The following ABRACL variants were observed in gnomAD, a reference collection of about 807,000 sequenced individuals.
The protein encoded by ABRACL is ABRA C-terminal like.
Under a neutral mutation model 7.0 loss-of-function variants are expected in ABRACL, and 4 were observed. That is an observed-to-expected ratio of 0.57 (90% CI 0.28 to 1.30). The LOEUF (loss-of-function observed/expected upper bound fraction) is 1.30, where lower values mean the gene tolerates loss of function less well. Ranked by LOEUF, ABRACL falls within the 50% of genes most tolerant of loss-of-function variation. ABRACL has a pLI of 0.10. For missense variants in ABRACL, 104 were observed against 97.3 expected, an observed-to-expected ratio of 1.07 and a Z score of -0.29; for synonymous variants, 30 against 36.0, an observed-to-expected ratio of 0.83 and a Z score of 0.60.
chr6:139,031,152 T>C (rs1465092144), intron 1 of ABRACL, among the ~76,000 whole-genome samples: 1 of 152,190 alleles, frequency 6.6e-6, no homozygotes, highest in Non-Finnish European at 1.5e-5. Flanking sequence ...GAAAGTTCCT[T>C]AATTTCTTTG....
chr6:139,040,306 CTG>C (rs1271833048), intron 2 of ABRACL, among the ~76,000 whole-genome samples: 2 of 152,090 alleles, frequency 1.3e-5, no homozygotes, highest in Admixed American at 6.5e-5. Flanking sequence ...AAGGAATTAA[CTG>C]TGATTGGAGA....
chr6:139,035,840 G>A (rs1406271151), intron 2 of ABRACL, among the ~76,000 whole-genome samples: 2 of 148,666 alleles, frequency 1.3e-5, no homozygotes, highest in East Asian at 2.2e-4. Flanking sequence ...AGTGGCTCAC[G>A]CCTGTAATCC....
At chr6:139,040,500 T>G (rs1260288279) in intron 2 of ABRACL, among the ~76,000 whole-genome samples, 1 of 152,182 alleles carries the variant, frequency 6.6e-6, no homozygotes, top group Non-Finnish European at 1.5e-5. Context: ...AGAGGCTTTA[T>G]CTTTATTATG....
At chr6:139,041,445 C>CTATATA (rs1465820185) in intron 2 of ABRACL, among the ~76,000 whole-genome samples, 3 of 69,064 alleles carry the variant, frequency 4.3e-5, no homozygotes, top group Non-Finnish European at 6.4e-5. Flanking sequence ...CTCTCTCTCT[C>CTATATA]TCTCTCTATA....
chr6:139,034,121 G>A (rs777675387), intron 1 of ABRACL, 34 bp from the exon 2 acceptor site: 3 of 1,613,522 alleles, frequency 1.9e-6, no homozygotes, highest in Non-Finnish European at 2.5e-6. Flanking sequence ...GAATGTAATG[G>A]TGATAATTTA....
chr6:139,037,977 A>G (rs540515996), intron 2 of ABRACL, among the ~76,000 whole-genome samples: 12 of 151,876 alleles, frequency 7.9e-5, no homozygotes, highest in Non-Finnish European at 1.3e-4. Context: ...GTTTTTCGCC[A>G]TGTTGGCCAG....
chr6:139,028,916 A>G (rs998857079), intron 1 of ABRACL, 41 bp downstream of exon 1: 2 of 152,300 alleles, frequency 1.3e-5, no homozygotes, highest in Admixed American at 1.3e-4. Context: ...GGTAGCAGGG[A>G]TGGACTGGGT....
Position 139,034,240 on chromosome 6 carries a change from T to G in ABRACL, c.61+19T>G, listed in dbSNP as rs538288655. ...TCAAAAAGTAAGTATCTGACAGAGA[T>G]AGAGTATTTCTCCTGGCTTTACCTT... is the stretch of plus-strand genomic sequence containing the variant. On this transcript the variant is annotated intron_variant, in intron 2 of 2. Transcript: ENST00000367660. 1 of 1,614,206 alleles carries G rather than the reference T, an allele frequency of 6.2e-7. No homozygotes were observed. The highest frequency in any genetic ancestry group is 1.3e-5 in the African/African-American group (1 of 75,052).
At chr6:139,042,465 A>G (rs1786267122) in intron 2 of ABRACL, among the ~76,000 whole-genome samples, 1 of 152,256 alleles carries the variant, frequency 6.6e-6, no homozygotes, top group African/African-American at 2.4e-5. Flanking sequence ...GCACTGTAGC[A>G]CATTCAACTT....
In ABRACL at chr6:139,042,731, A is replaced by T. The variant is rs1786270924; in HGVS notation, c.74A>T (p.Lys25Met). The T allele has an allele frequency of 6.2e-7, 1 of 1,610,544 alleles. No individual in the cohort carries two copies. Among genetic ancestry groups the T allele is most frequent in the Non-Finnish European group, 8.5e-7 (1 of 1,178,370 alleles). ...TTTCTCAAACTAGATGCTGATGGAAAGTTAAGCGTGAAATTTGGGGTCCTC... is the reference window on the plus strand; with the variant it reads ...TTTCTCAAACTAGATGCTGATGGAATGTTAAGCGTGAAATTTGGGGTCCTC... ...HRLGSKNADGKLSVKFGVLFR... is the reference protein window; with the variant it reads ...HRLGSKNADGMLSVKFGVLFR... The change falls in exon 3 of 3, where the codon AAG (lysine) becomes ATG (methionine). Residue 25 changes from lysine to methionine, a missense_variant. Transcript: ENST00000367660.
In ABRACL at chr6:139,043,060, T is replaced by TCAATACACAAAATAGCAA; in HGVS notation, c.*157_*158insCAATACACAAAATAGCAA. On this transcript the variant is annotated 3_prime_UTR_variant, in exon 3 of 3. Transcript: ENST00000367660. ...TTAGAAGTCTGTCCTTTTTTATATC[T>TCAATACACAAAATAGCAA]TGAAAGAAAATCTATGTATGATGCT... The TCAATACACAAAATAGCAA allele has an allele frequency of 1.8e-6, 1 of 546,266 alleles. No individual in the cohort carries two copies. The highest frequency in any genetic ancestry group is 2.9e-6 in the Non-Finnish European group (1 of 339,372). 33.8% of individuals were successfully genotyped at this position (546,266 alleles called of 1,614,324 possible).
At chr6:139,031,764 A>G (rs1421249531) in intron 1 of ABRACL, among the ~76,000 whole-genome samples, 1 of 152,200 alleles carries the variant, frequency 6.6e-6, no homozygotes, top group Non-Finnish European at 1.5e-5. Context: ...CAGCTACGTC[A>G]TGCCTCAAAC....
intron 2 of ABRACL, 158 bp downstream of exon 2, chr6:139,034,379 G>T (rs764096408): frequency 6.4e-7 from 1 of 1,557,676 alleles, no homozygotes; most frequent in East Asian, 2.4e-5. Context: ...CCTTAGCCAG[G>T]AATTGACATC....
In ABRACL at chr6:139,035,006, T is replaced by C. The variant is rs1786132736; in HGVS notation, c.61+785T>C. Among the ~76,000 whole-genome samples, 7 of 152,200 alleles carry C rather than the reference T, an allele frequency of 4.6e-5. 1 individual carries two copies. Among genetic ancestry groups the C allele is most frequent in the Admixed American group, 4.6e-4 (7 of 15,284 alleles). On this transcript the variant is annotated intron_variant, in intron 2 of 2. Coordinates refer to ENST00000367660, the MANE Select transcript of ABRACL (RefSeq NM_021243.3). The stretch of plus-strand genomic sequence containing the variant: ...TCAGCAACAACTAGGATAATAGAAC[T>C]CGAAGTTTTAAAATTACATCATGTA...
chr6:139,039,461 A>G (rs1011147225), intron 2 of ABRACL, among the ~76,000 whole-genome samples: 2 of 152,196 alleles, frequency 1.3e-5, no homozygotes, highest in Non-Finnish European at 2.9e-5. Flanking sequence ...AATGATGGTG[A>G]GTGCTTTGAT....
At chr6:139,036,693 A>C (rs910346684) in intron 2 of ABRACL, among the ~76,000 whole-genome samples, 1 of 152,130 alleles carries the variant, frequency 6.6e-6, no homozygotes, top group Non-Finnish European at 1.5e-5. Context: ...AAACAGATAA[A>C]ATCTCATAGT....
intron 2 of ABRACL, among the ~76,000 whole-genome samples, chr6:139,036,913 C>T (rs1346557358): frequency 1.3e-5 from 2 of 151,978 alleles, no homozygotes; most frequent in African/African-American, 2.4e-5. Context: ...GAGCTCAGGA[C>T]GTCGAGGCTG....
At position 139,042,959 on chromosome 6, in the gene ABRACL, T is replaced by TGGGGTAAACTGGAATGTGA; in HGVS notation, c.*56_*57insGGGGTAAACTGGAATGTGA. 1 of 1,412,520 alleles carries TGGGGTAAACTGGAATGTGA rather than the reference T, an allele frequency of 7.1e-7. No homozygotes were observed. Among genetic ancestry groups the TGGGGTAAACTGGAATGTGA allele is most frequent in the Non-Finnish European group, 9.6e-7 (1 of 1,043,612 alleles). The allele number at this position is 1,412,520 out of a possible 1,614,324, so 87.5% of individuals were successfully genotyped here. A position where few individuals can be genotyped will look rare whatever the true frequency, so the allele number is the denominator to read the frequency against. ...TTTTTGTTTCTGGTAAACTGGAATA[T>TGGGGTAAACTGGAATGTGA]AAAGTGAAAGAACAAACATTTGAAC... is the stretch of plus-strand genomic sequence containing the variant. On this transcript the variant is annotated 3_prime_UTR_variant, in exon 3 of 3. Transcript: ENST00000367660.
intron 2 of ABRACL, among the ~76,000 whole-genome samples, chr6:139,038,571 T>C (rs913962670): frequency 5.3e-5 from 8 of 152,254 alleles, no homozygotes; most frequent in African/African-American, 1.9e-4. Flanking sequence ...GTCTCATTTT[T>C]CATATAGCGA....
Sources: gnomAD v4.1 joint callset for allele counts (sites outside exome capture counted in the v4.1 genomes callset) on GRCh38, gnomAD v4.1.1 for gene constraint, MANE v1.5 for transcripts, NCBI Gene and HGNC (gene_info 2026-07-23, HGNC 2026-07-21) for gene names.